The following ARPC1B variants were observed in gnomAD, a reference collection of about 807,000 sequenced individuals.
The protein encoded by ARPC1B is actin-related protein 2/3 complex subunit 1B.
Under a neutral mutation model 46.0 loss-of-function variants are expected in ARPC1B, and 29 were observed. The ratio of observed to expected loss-of-function variants is 0.63; its 90% CI spans 0.47 to 0.86. ARPC1B has a LOEUF of 0.86. Ranked by LOEUF, ARPC1B falls within the 40% of genes least tolerant of loss-of-function variation. The pLI, the probability that ARPC1B is intolerant of heterozygous loss-of-function variation, is 0.00. For synonymous variants in ARPC1B, 201 were observed against 213.9 expected (o/e 0.94, Z 0.53); for missense variants, 469 against 529.4 (o/e 0.89, Z 1.12).
chr7:99,390,116 C>A (rs921583125), intron 5 of ARPC1B, 104 bp downstream of exon 5: 7 of 979,540 alleles, frequency 7.1e-6, no homozygotes, highest in South Asian at 4.3e-5. Context: ...CTTCTAGACA[C>A]ATTCCAGACC....
intron 1 of ARPC1B, among the ~76,000 whole-genome samples, chr7:99,384,834 AG>A (rs1794330722): frequency 7.0e-6 from 1 of 142,614 alleles, no homozygotes; most frequent in South Asian, 2.2e-4. Flanking sequence ...ACACCTTTCT[AG>A]GTGGTTTATG....
chr7:99,391,107 G>C lies in ARPC1B; in HGVS notation c.707+8G>C, dbSNP rs1458592112. 1.2e-6 allele frequency: 2 copies of C among 1,612,188 alleles called. No individual in the cohort carries two copies. The highest frequency in any genetic ancestry group is 2.2e-5 in the East Asian group (1 of 44,820). ...TGCCGACAAGAAGATGGCGTGAGTC[G>C]AGGCCATCCCCAGGGGAGGAGGTGA... is the stretch of plus-strand genomic sequence containing the variant. On this transcript the variant is annotated splice_region_variant and intron_variant, in intron 6 of 9. Coordinates refer to ENST00000646101, the MANE Select transcript of ARPC1B (RefSeq NM_005720.4).
intron 8 of ARPC1B, 75 bp from the exon 9 acceptor site, chr7:99,393,954 C>G (rs935644400): frequency 2.0e-6 from 3 of 1,472,850 alleles, no homozygotes; most frequent in Admixed American, 1.7e-5. Context: ...AGTCTGGGAG[C>G]GCCTGGTGGA....
chr7:99,393,920 C>A, intron 8 of ARPC1B, 109 bp from the exon 9 acceptor site: 1 of 1,100,570 alleles, frequency 9.1e-7, no homozygotes, highest in Non-Finnish European at 1.4e-6. Flanking sequence ...CTCGGTACTT[C>A]TCACTAAAGC....
Position 99,385,787 on chromosome 7 carries a change from T to C in ARPC1B, c.64+9T>C, listed in dbSNP as rs539321273. The C allele has an allele frequency of 1.0e-5, 16 of 1,606,266 alleles. No homozygotes were observed. The South Asian group carries it at 1.7e-4, about 17-fold the overall frequency. Reference sequence around the variant, plus strand: ...GAACAAGGACCGCACCCGTGAGTGCTTGCTGGGGGCCGGTGGGTGGCTGCT... The same window carrying C: ...GAACAAGGACCGCACCCGTGAGTGCCTGCTGGGGGCCGGTGGGTGGCTGCT... On this transcript the variant is annotated intron_variant, in intron 2 of 9. Coordinates refer to ENST00000646101, the MANE Select transcript of ARPC1B (RefSeq NM_005720.4).
At chr7:99,385,245 C>T (rs950555966) in intron 1 of ARPC1B, among the ~76,000 whole-genome samples, 54 of 136,950 alleles carry the variant, frequency 3.9e-4, no homozygotes, top group African/African-American at 1.3e-3. Context: ...CATGAGCCAC[C>T]GGGCCTGGCC....
At chr7:99,374,421 C>G (rs1157747196), upstream of ARPC1B, 1 of 152,292 alleles carries the variant, frequency 6.6e-6, no homozygotes, top group East Asian at 1.9e-4. The surrounding 1 kb of genome is among the most constrained non-coding windows in gnomAD (Gnocchi z 5.0). Context: ...CCGGCAGTCC[C>G]CGGGGGCCGT....
chr7:99,392,926 G>T, intron 8 of ARPC1B, 50 bp downstream of exon 8: 2 of 1,491,686 alleles, frequency 1.3e-6, no homozygotes, highest in South Asian at 1.3e-5. Flanking sequence ...GGCTCGCCCA[G>T]AAACAGCGTC....
intron 1 of ARPC1B, among the ~76,000 whole-genome samples, chr7:99,378,725 C>A (rs1050472151): frequency 4.0e-5 from 6 of 148,170 alleles, no homozygotes; most frequent in African/African-American, 7.5e-5. Flanking sequence ...TTGCTGTTTT[C>A]TTAGGACCAA....
chr7:99,385,067 G>A (rs180831986), intron 1 of ARPC1B, among the ~76,000 whole-genome samples: 4 of 143,590 alleles, frequency 2.8e-5, no homozygotes, highest in African/African-American at 5.2e-5. Flanking sequence ...CCAAGTTCAC[G>A]CCATTCTCCT....
intron 9 of ARPC1B, 81 bp downstream of exon 9, chr7:99,394,200 C>T: frequency 6.9e-7 from 1 of 1,451,718 alleles, no homozygotes; most frequent in Non-Finnish European, 9.5e-7. Context: ...GGAGATGACC[C>T]CCATCCTTCA....
In ARPC1B at chr7:99,391,163, G is replaced by A. The variant is rs373141340; in HGVS notation, c.708-15G>A. On this transcript the variant is annotated splice_polypyrimidine_tract_variant and intron_variant, in intron 6 of 9. Transcript: ENST00000646101. ...GAGGAGTGGGACACCGTGACTCACA[G>A]CTCTCTCCCCTCAGCGTCGCGACTC... is the stretch of plus-strand genomic sequence containing the variant. The A allele has an allele frequency of 4.3e-6, 7 of 1,613,694 alleles. No individual in the cohort carries two copies. Among genetic ancestry groups the A allele is most frequent in the East Asian group, 4.5e-5 (2 of 44,882 alleles).
chr7:99,389,662 T>C (rs573233298), intron 4 of ARPC1B: 1 of 482,490 alleles, frequency 2.1e-6, no homozygotes, highest in East Asian at 3.8e-5. Flanking sequence ...CTGAGCCTGC[T>C]CTGAGGGTGA....
intron 1 of ARPC1B, among the ~76,000 whole-genome samples, chr7:99,377,134 G>A (rs919006259): frequency 6.6e-6 from 1 of 151,924 alleles, no homozygotes; most frequent in Non-Finnish European, 1.5e-5. Context: ...GAGTAGCTGG[G>A]ATTACAGGTA....
chr7:99,382,118 G>A (rs1436902924), intron 1 of ARPC1B, among the ~76,000 whole-genome samples: 3 of 152,164 alleles, frequency 2.0e-5, no homozygotes, highest in Non-Finnish European at 4.4e-5. Context: ...TCCAGGGCTG[G>A]TGGGAGTGTT....
At chr7:99,385,851 G>T in intron 2 of ARPC1B, 73 bp downstream of exon 2, 1 of 1,473,980 alleles carries the variant, frequency 6.8e-7, no homozygotes, top group Non-Finnish European at 9.2e-7. Context: ...AGCACACATG[G>T]GGACTCTGGA....
At chr7:99,387,007 A>G (rs1035844721) in intron 3 of ARPC1B, among the ~76,000 whole-genome samples, 29 of 152,354 alleles carry the variant, frequency 1.9e-4, no homozygotes, top group African/African-American at 6.5e-4. Context: ...GCAGCTCCAC[A>G]TGACCAAGAA....
At position 99,386,485 on chromosome 7, in the gene ARPC1B, G is replaced by A. The variant is rs567383016; in HGVS notation, c.65-200G>A. On this transcript the variant is annotated intron_variant, in intron 2 of 9. Transcript: ENST00000646101. ...GAGAGGTCCCAGGGTTCATTGCTGC[G>A]AGTAAAGGACAGCCAGTTCCAGGAG... The A allele has an allele frequency of 1.4e-3, 944 of 668,146 alleles. 12 individuals carry two copies. The highest frequency in any genetic ancestry group is 9.4e-3 in the South Asian group (642 of 67,952). The allele number at this position is 668,146 out of a possible 1,614,324, so 41.4% of individuals were successfully genotyped here. A position where few individuals can be genotyped will look rare whatever the true frequency, so the allele number is the denominator to read the frequency against.
Position 99,394,133 on chromosome 7 carries a change from C to G in ARPC1B, c.1080+14C>G, listed in dbSNP as rs377232345. On this transcript the variant is annotated intron_variant, in intron 9 of 9. Transcript: ENST00000646101. ...TGGGATGTGAAGGTGAGGCTTGCCCCTCCTGGCTTCCCGCCATGCCTCCCA... is the reference window on the plus strand; with the variant it reads ...TGGGATGTGAAGGTGAGGCTTGCCCGTCCTGGCTTCCCGCCATGCCTCCCA... 4 of 1,612,208 alleles carry G rather than the reference C, an allele frequency of 2.5e-6. No homozygotes were observed. Among genetic ancestry groups the G allele is most frequent in the Non-Finnish European group, 3.4e-6 (4 of 1,179,786 alleles).
Sources: allele counts gnomAD v4.1 joint callset (sites outside exome capture counted in the v4.1 genomes callset), GRCh38; gene constraint gnomAD v4.1.1; non-coding constraint Gnocchi (gnomAD v3.1); transcripts MANE v1.5; gene names NCBI Gene and HGNC (gene_info 2026-07-23, HGNC 2026-07-21).